The following SNX18 variants were observed in gnomAD, a reference collection of about 807,000 sequenced individuals.
The protein encoded by SNX18 is sorting nexin-18.
SNX18 carries 35 observed loss-of-function variants against 48.7 expected under a neutral mutation model. The ratio of observed to expected loss-of-function variants is 0.72; its 90% CI spans 0.55 to 0.95. The LOEUF is 0.95. Ranked by LOEUF, SNX18 falls within the 40% of genes least tolerant of loss-of-function variation. The pLI is 0.00. For synonymous variants in SNX18, 492 were observed against 384.7 expected (o/e 1.28, Z -3.26); for missense variants, 824 against 871.0 (o/e 0.95, Z 0.68).
chr5:54,603,022 C>A, the SNX18 span, among the ~76,000 whole-genome samples: 680 of 152,214 alleles, frequency 4.5e-3, 5 homozygotes, highest in African/African-American at 0.016. Context: ...GGGGGAGAAA[C>A]CTCATGGCAA....
At chr5:54,584,651 C>G in the SNX18 span, among the ~76,000 whole-genome samples, 5 of 152,178 alleles carry the variant, frequency 3.3e-5, no homozygotes, top group African/African-American at 9.7e-5. Context: ...CCATTTGTCT[C>G]TATCTTGCTT....
the SNX18 span, among the ~76,000 whole-genome samples, chr5:54,624,552 C>T: frequency 6.6e-6 from 1 of 152,144 alleles, no homozygotes; most frequent in Non-Finnish European, 1.5e-5. Context: ...TTACAAGTAT[C>T]GTATTTTAGT....
chr5:54,574,641 A>G, the SNX18 span, among the ~76,000 whole-genome samples: 1 of 152,210 alleles, frequency 6.6e-6, no homozygotes, highest in South Asian at 2.1e-4. Flanking sequence ...AGTGACTTGA[A>G]CACAGGAACT....
chr5:54,642,362 A>G, the SNX18 span, among the ~76,000 whole-genome samples: 4 of 152,192 alleles, frequency 2.6e-5, no homozygotes, highest in Non-Finnish European at 5.9e-5. Flanking sequence ...CTTAAATAAA[A>G]ATGGAATTAG....
intron 1 of SNX18, among the ~76,000 whole-genome samples, chr5:54,536,351 C>T (rs145082130): frequency 0.058 from 8,772 of 151,544 alleles, 352 homozygotes; most frequent in Middle Eastern, 0.11. Context: ...ATTTACATTA[C>T]GTATATCTCC....
At chr5:54,575,270 A>C in the SNX18 span, among the ~76,000 whole-genome samples, 3 of 151,976 alleles carry the variant, frequency 2.0e-5, no homozygotes, top group African/African-American at 4.8e-5. Context: ...TTCCTAGTGA[A>C]GGAGTTAAGA....
rs1400622345 is a variant in SNX18 at position 54,519,298 on chromosome 5, CCAA to C, written c.1348_1350del (p.Asn450del). The C allele has an allele frequency of 6.2e-7, 1 of 1,614,030 alleles. No individual in the cohort carries two copies. The highest frequency in any genetic ancestry group is 1.7e-5 in the Admixed American group (1 of 60,022). On this transcript the variant is annotated inframe_deletion, in exon 1 of 2. Coordinates refer to ENST00000381410, the MANE Select transcript of SNX18 (RefSeq NM_001102575.2). ...AGCGCGCTGCAGCTCAACCACACGG[CCAA>C]CGAGTTCGCGCGCAAGCAGGTGACC...
At chr5:54,569,597 C>G in the SNX18 span, among the ~76,000 whole-genome samples, 1 of 152,136 alleles carries the variant, frequency 6.6e-6, no homozygotes, top group Non-Finnish European at 1.5e-5. Context: ...ACTTTCATGG[C>G]TGGCACCTGG....
At position 54,518,360 on chromosome 5, in the gene SNX18, G is replaced by T. The variant is rs554334770; in HGVS notation, c.408G>T (p.Ser136=). The T allele has an allele frequency of 3.9e-6, 6 of 1,545,868 alleles. No individual in the cohort carries two copies. In the South Asian group the frequency reaches 7.2e-5, roughly 18 times the overall value. Residue 136 remains serine, a synonymous_variant, in exon 1 of 2, where the codon TCG becomes TCT. Transcript: ENST00000381410. Reference sequence around the variant, plus strand: ...ACGGCGGGGGCGCCCTGCAGCCGTCGCCTCAGCAGCTCTACGGCGGCTACC... The same window carrying T: ...ACGGCGGGGGCGCCCTGCAGCCGTCTCCTCAGCAGCTCTACGGCGGCTACC... The part of the protein sequence containing the change: ...FPYGGGALQP[S]PQQLYGGYQA...
the SNX18 span, among the ~76,000 whole-genome samples, chr5:54,608,039 G>A: frequency 1.3e-5 from 2 of 152,220 alleles, no homozygotes; most frequent in African/African-American, 2.4e-5. Flanking sequence ...ATGCCCAGGA[G>A]TTCAATTGCT....
the SNX18 span, among the ~76,000 whole-genome samples, chr5:54,570,859 C>T: frequency 6.6e-6 from 1 of 152,174 alleles, no homozygotes; most frequent in Non-Finnish European, 1.5e-5. Context: ...AAGAGCGATT[C>T]AGTAAGGCTT....
Position 54,545,801 on chromosome 5 carries a change from CAT to C in SNX18, c.*2370_*2371del, listed in dbSNP as rs368492245. ...TTAAACCCAAGAGAAAAGCCATTAT[CAT>C]GTGTATGCTGGTCATCATGATCAGT... On this transcript the variant is annotated 3_prime_UTR_variant, in exon 2 of 2. Transcript: ENST00000381410. The C allele has an allele frequency of 3.0e-3, 450 of 152,270 alleles. No individual in the cohort carries two copies. Among genetic ancestry groups the C allele is most frequent in the African/African-American group, 0.01 (424 of 41,542 alleles). The allele number at this position is 152,270 out of a possible 1,614,324, so 9.4% of individuals were successfully genotyped here.
At chr5:54,580,356 G>A in the SNX18 span, among the ~76,000 whole-genome samples, 1 of 152,078 alleles carries the variant, frequency 6.6e-6, no homozygotes, top group Non-Finnish European at 1.5e-5. Context: ...TTTTTAAAAA[G>A]CATGAAATTT....
chr5:54,578,223 C>T, the SNX18 span, among the ~76,000 whole-genome samples: 1 of 152,206 alleles, frequency 6.6e-6, no homozygotes, highest in African/African-American at 2.4e-5. Context: ...CAACGTGATC[C>T]ATCACAAACA....
In SNX18 at chr5:54,544,200, T is replaced by G. The variant is rs1295029977; in HGVS notation, c.*768T>G. On this transcript the variant is annotated 3_prime_UTR_variant, in exon 2 of 2. Coordinates refer to ENST00000381410, the MANE Select transcript of SNX18 (RefSeq NM_001102575.2). Reference sequence around the variant, plus strand: ...GCCACTATTCCCTTAGATGCAACAGTAGCATAGCCTCTTCACCCAGGCGTC... The same window carrying G: ...GCCACTATTCCCTTAGATGCAACAGGAGCATAGCCTCTTCACCCAGGCGTC... 4 of 152,130 alleles carry G rather than the reference T, an allele frequency of 2.6e-5. No homozygotes were observed. The highest frequency in any genetic ancestry group is 2.0e-4 in the Admixed American group (3 of 15,274). 9.4% of individuals were successfully genotyped at this position (152,130 alleles called of 1,614,324 possible). A position where few individuals can be genotyped will look rare whatever the true frequency, so the allele number is the denominator to read the frequency against.
chr5:54,641,125 A>G, the SNX18 span, among the ~76,000 whole-genome samples: 1 of 152,002 alleles, frequency 6.6e-6, no homozygotes, highest in Non-Finnish European at 1.5e-5. Context: ...TGGTCCCGTA[A>G]CTCTGTTTCT....
chr5:54,641,599 G>A, the SNX18 span, among the ~76,000 whole-genome samples: 7 of 152,214 alleles, frequency 4.6e-5, no homozygotes, highest in Non-Finnish European at 8.8e-5. Flanking sequence ...ACTACAGAGA[G>A]TGCACCACAA....
chr5:54,639,992 G>C, the SNX18 span, among the ~76,000 whole-genome samples: 2 of 152,152 alleles, frequency 1.3e-5, no homozygotes, highest in East Asian at 3.9e-4. Context: ...GGATTCTGTT[G>C]GGGATCCAGT....
chr5:54,573,535 T>A, the SNX18 span, among the ~76,000 whole-genome samples: 1 of 152,170 alleles, frequency 6.6e-6, no homozygotes, highest in Admixed American at 6.5e-5. Context: ...CCCTGATGCA[T>A]TGCCCATCCT....
Sources: gnomAD v4.1 joint callset for allele counts (sites outside exome capture counted in the v4.1 genomes callset) on GRCh38, gnomAD v4.1.1 for gene constraint, MANE v1.5 for transcripts, NCBI Gene and HGNC (gene_info 2026-07-23, HGNC 2026-07-21) for gene names.